The following PIERCE2 variants were observed in gnomAD, a reference collection of about 807,000 sequenced individuals.
PIERCE2 encodes piercer of microtubule wall 2 protein.
chr15:55,414,438 T>C, the PIERCE2 span, among the ~76,000 whole-genome samples: 2 of 148,604 alleles, frequency 1.3e-5, no homozygotes, highest in Admixed American at 1.4e-4. Flanking sequence ...CTCAGACTCC[T>C]GACCTCAGGT....
the PIERCE2 span, chr15:55,408,825 G>A: frequency 6.9e-6 from 10 of 1,459,350 alleles, no homozygotes; most frequent in South Asian, 1.2e-4. Context: ...GGGAATGTTG[G>A]TATTCGCTAG....
chr15:55,418,456 G>A, the PIERCE2 span: 4 of 1,522,336 alleles, frequency 2.6e-6, no homozygotes, highest in Non-Finnish European at 3.5e-6. Context: ...CTCCAAAGGA[G>A]CAAGTATTTT....
At chr15:55,410,199 G>T in the PIERCE2 span, among the ~76,000 whole-genome samples, 2 of 152,092 alleles carry the variant, frequency 1.3e-5, no homozygotes, top group Non-Finnish European at 2.9e-5. Context: ...AGCTTTTCCA[G>T]ATTTTATGGT....
chr15:55,418,151 G>T, the PIERCE2 span: 3 of 1,570,014 alleles, frequency 1.9e-6, no homozygotes, highest in Non-Finnish European at 2.6e-6. Context: ...AGGGAAGTGG[G>T]TGGGACTGAA....
the PIERCE2 span, among the ~76,000 whole-genome samples, chr15:55,413,841 T>A: frequency 2.6e-5 from 4 of 152,222 alleles, no homozygotes; most frequent in Non-Finnish European, 4.4e-5. Context: ...GGACTTTTTT[T>A]ATTTTTCAGC....
At chr15:55,415,360 G>A in the PIERCE2 span, among the ~76,000 whole-genome samples, 2 of 151,828 alleles carry the variant, frequency 1.3e-5, no homozygotes, top group South Asian at 4.2e-4. Context: ...GGAGGCTGAG[G>A]CAGGACAATC....
the PIERCE2 span, among the ~76,000 whole-genome samples, chr15:55,414,835 G>T: frequency 6.6e-6 from 1 of 152,062 alleles, no homozygotes; most frequent in Non-Finnish European, 1.5e-5. Flanking sequence ...CCGAGATGGC[G>T]CCACTACACT....
the PIERCE2 span, among the ~76,000 whole-genome samples, chr15:55,415,244 G>C: frequency 6.6e-6 from 1 of 152,062 alleles, no homozygotes; most frequent in Non-Finnish European, 1.5e-5. Context: ...GAGGCAGGTG[G>C]ATCACCTAAG....
the PIERCE2 span, among the ~76,000 whole-genome samples, chr15:55,414,148 C>T: frequency 6.6e-6 from 1 of 151,550 alleles, no homozygotes; most frequent in Non-Finnish European, 1.5e-5. Flanking sequence ...CTGCCCGCCT[C>T]AGCTTCCCAA....
At chr15:55,416,925 C>T in the PIERCE2 span, among the ~76,000 whole-genome samples, 2 of 152,168 alleles carry the variant, frequency 1.3e-5, no homozygotes, top group Non-Finnish European at 2.9e-5. Context: ...TGCACCATTG[C>T]AGTCCAGCCT....
At chr15:55,416,827 G>T in the PIERCE2 span, among the ~76,000 whole-genome samples, 1 of 152,074 alleles carries the variant, frequency 6.6e-6, no homozygotes, top group Non-Finnish European at 1.5e-5. Flanking sequence ...TGGTTGTCGT[G>T]GTGAGCTCCC....
chr15:55,418,630 T>G, the PIERCE2 span: 3 of 1,162,122 alleles, frequency 2.6e-6, no homozygotes, highest in Non-Finnish European at 3.5e-6. Context: ...GTGTTAAATC[T>G]AAGGGTAGAA....
the PIERCE2 span, among the ~76,000 whole-genome samples, chr15:55,416,121 T>G: frequency 0.011 from 1,388 of 127,618 alleles, 22 homozygotes; most frequent in African/African-American, 0.034. Flanking sequence ...GAGAGAGAGA[T>G]AGAGTCTTTT....
the PIERCE2 span, chr15:55,418,228 G>A: frequency 8.3e-6 from 13 of 1,572,314 alleles, no homozygotes; most frequent in Non-Finnish European, 1.0e-5. Flanking sequence ...TTTAGGATAA[G>A]AAAAGTACTT....
chr15:55,414,968 A>G, the PIERCE2 span, among the ~76,000 whole-genome samples: 1 of 152,216 alleles, frequency 6.6e-6, no homozygotes, highest in Non-Finnish European at 1.5e-5. Flanking sequence ...CAAAAAGTCT[A>G]TTTATACTAA....
chr15:55,418,556 C>A, the PIERCE2 span: 1 of 1,463,134 alleles, frequency 6.8e-7, no homozygotes, highest in South Asian at 1.3e-5. Flanking sequence ...TCCTAATATT[C>A]AACACACTCT....
chr15:55,413,292 T>G, the PIERCE2 span, among the ~76,000 whole-genome samples: 6 of 150,350 alleles, frequency 4.0e-5, no homozygotes, highest in Non-Finnish European at 5.9e-5. Flanking sequence ...ATTATAAAAA[T>G]TAGCTGGGTA....
chr15:55,408,585 G>A, the PIERCE2 span: 1 of 408,364 alleles, frequency 2.4e-6, no homozygotes, highest in Non-Finnish European at 4.3e-6. Flanking sequence ...TTTCACCCGG[G>A]AAAACAGCTC....
the PIERCE2 span, among the ~76,000 whole-genome samples, chr15:55,412,376 G>T: frequency 6.6e-6 from 1 of 152,114 alleles, no homozygotes. Context: ...ATACTACACT[G>T]TGATTCTGCC....
Sources: gnomAD v4.1 joint callset for allele counts (sites outside exome capture counted in the v4.1 genomes callset) on GRCh38, gnomAD v4.1.1 for gene constraint, MANE v1.5 for transcripts, NCBI Gene and HGNC (gene_info 2026-07-23, HGNC 2026-07-21) for gene names.